The following TAOK1 variants were observed in gnomAD, a reference collection of about 807,000 sequenced individuals.
TAOK1 encodes the protein TAO kinase 1, also known as serine/threonine-protein kinase TAO1.
A neutral mutation model predicts 138.3 loss-of-function variants in TAOK1; 21 were observed. The ratio of observed to expected loss-of-function variants is 0.15; its 90% confidence interval spans 0.11 to 0.22. The LOEUF is 0.22. TAOK1 is among the 10% of genes least tolerant of loss of function. The pLI is 1.00. For synonymous variants in TAOK1, 361 were observed against 398.4 expected (o/e 0.91, Z 1.12); for missense variants, 651 against 1,227.7 (o/e 0.53, Z 7.02).
At chr17:29,443,603 C>T (rs2030002116) in intron 1 of TAOK1, among the ~76,000 whole-genome samples, 1 of 152,094 alleles carries the variant, frequency 6.6e-6, no homozygotes, top group African/African-American at 2.4e-5. Flanking sequence ...TTTGTGGAAC[C>T]AGGAATAAAT....
At chr17:29,459,376 G>A (rs1008345206) in intron 2 of TAOK1, among the ~76,000 whole-genome samples, 1 of 152,034 alleles carries the variant, frequency 6.6e-6, no homozygotes, top group African/African-American at 2.4e-5. Context: ...CCGCCTGCTG[G>A]GTTCAAGTGA....
At chr17:29,477,523 A>G (rs925715067) in intron 4 of TAOK1, 138 bp from the exon 5 acceptor site, 1 of 303,878 alleles carries the variant, frequency 3.3e-6, no homozygotes, top group Non-Finnish European at 5.7e-6. Flanking sequence ...CTATATAACT[A>G]TTTTTTTAAG....
intron 6 of TAOK1, among the ~76,000 whole-genome samples, chr17:29,478,931 G>A (rs1354459926): frequency 6.6e-6 from 1 of 152,090 alleles, no homozygotes; most frequent in Non-Finnish European, 1.5e-5. Flanking sequence ...GACCAGCCTG[G>A]CCAACCAATA....
chr17:29,482,313 G>T, intron 8 of TAOK1, 25 bp downstream of exon 8: 1 of 1,556,590 alleles, frequency 6.4e-7, no homozygotes. Context: ...TCATTACTAT[G>T]GATTAAGTTT....
In TAOK1 at chr17:29,478,341, T is replaced by G; in HGVS notation, c.443T>G (p.Ile148Ser). The G allele has an allele frequency of 6.3e-7, 1 of 1,578,674 alleles. No homozygotes were observed. The highest frequency in any genetic ancestry group is 8.6e-7 in the Non-Finnish European group (1 of 1,165,622). ...GCCTACTTACATTCTCATACTATGA[T>G]TCATAGGTAAGTGCTTTGGAAATTA... ...GLAYLHSHTM[I>S]HRDIKAGNIL... The change falls in exon 6 of 20, where the codon ATT (isoleucine) becomes AGT (serine). Residue 148 changes from isoleucine (I) to serine (S), a missense_variant. Ile to Ser is a moderately radical substitution (Grantham distance 142). Coordinates refer to ENST00000261716, the MANE Select transcript of TAOK1 (RefSeq NM_020791.4).
At chr17:29,486,213 C>T (rs922626503) in intron 8 of TAOK1, among the ~76,000 whole-genome samples, 5 of 152,078 alleles carry the variant, frequency 3.3e-5, no homozygotes, top group Non-Finnish European at 7.4e-5. Flanking sequence ...CACTTGAGCC[C>T]AGGAGGTCAA....
rs1904680440 is a variant in TAOK1, at chr17:29,397,673, A to ATACATGTATACATGTATATTCATGTATGG, written c.-95+6677_-95+6678insGTACATGTATACATGTATATTCATGTATG. On this transcript the variant is annotated intron_variant, in intron 1 of 19. Coordinates refer to ENST00000261716, the MANE Select transcript of TAOK1 (RefSeq NM_020791.4). Reference sequence around the variant, plus strand: ...ATGTATATTCATGTATGATACATGTATACATGTATACATGTATATTCATGT... The same window carrying ATACATGTATACATGTATATTCATGTATGG: ...ATGTATATTCATGTATGATACATGTATACATGTATACATGTATATTCATGTATGGTACATGTATACATGTATATTCATGT... Among the ~76,000 whole-genome samples, 2 of 24,484 alleles carry ATACATGTATACATGTATATTCATGTATGG rather than the reference A, an allele frequency of 8.2e-5. 1 individual carries two copies. Among genetic ancestry groups the ATACATGTATACATGTATATTCATGTATGG allele is most frequent in the Admixed American group, 7.2e-4 (2 of 2,786 alleles). 16.1% of individuals were successfully genotyped at this position (24,484 alleles called of 152,430 possible). A position where few individuals can be genotyped will look rare whatever the true frequency, so the allele number is the denominator to read the frequency against.
chr17:29,534,049 C>T (rs1242878221), intron 18 of TAOK1, 69 bp from the exon 19 acceptor site: 4 of 1,438,000 alleles, frequency 2.8e-6, no homozygotes, highest in Non-Finnish European at 3.7e-6. Context: ...TCCTCCTTTC[C>T]ATAGGTCATG....
At chr17:29,532,390 G>C (rs1182276753) in intron 18 of TAOK1, among the ~76,000 whole-genome samples, 1 of 144,868 alleles carries the variant, frequency 6.9e-6, no homozygotes, top group Non-Finnish European at 1.5e-5. Context: ...GGTGTTTCTC[G>C]CAGAGGGGGA....
chr17:29,444,685 T>G (rs1484792055), intron 1 of TAOK1, among the ~76,000 whole-genome samples: 1 of 152,240 alleles, frequency 6.6e-6, no homozygotes, highest in Admixed American at 6.5e-5. Context: ...TTTGTTGATA[T>G]CTACAGAAAA....
intron 1 of TAOK1, among the ~76,000 whole-genome samples, chr17:29,416,357 C>G (rs1317599489): frequency 6.6e-6 from 1 of 151,436 alleles, no homozygotes; most frequent in Non-Finnish European, 1.5e-5. Flanking sequence ...ACTTTTTTTG[C>G]TCTTCTTCAT....
chr17:29,442,233 A>G (rs903300825), intron 1 of TAOK1, among the ~76,000 whole-genome samples: 71 of 151,814 alleles, frequency 4.7e-4, no homozygotes, highest in African/African-American at 1.7e-3. Flanking sequence ...TTTTGTAGAG[A>G]TGGGGTCTCC....
At chr17:29,405,799 T>A (rs941938062) in intron 1 of TAOK1, among the ~76,000 whole-genome samples, 9 of 152,076 alleles carry the variant, frequency 5.9e-5, no homozygotes, top group African/African-American at 2.2e-4. Context: ...AGACAACCAG[T>A]TTAGCCAGTA....
intron 2 of TAOK1, among the ~76,000 whole-genome samples, chr17:29,458,026 C>T (rs535124894): frequency 5.9e-5 from 9 of 151,858 alleles, no homozygotes; most frequent in Non-Finnish European, 7.4e-5. Flanking sequence ...AGGAGAACGG[C>T]GTGAACCCGG....
At chr17:29,448,112 A>G (rs555189889) in intron 1 of TAOK1, among the ~76,000 whole-genome samples, 1 of 150,652 alleles carries the variant, frequency 6.6e-6, no homozygotes, top group African/African-American at 2.4e-5. Context: ...ACTGCTTTGC[A>G]TGTAGATCAT....
chr17:29,402,223 C>T (rs917637494), intron 1 of TAOK1, among the ~76,000 whole-genome samples: 7 of 152,066 alleles, frequency 4.6e-5, no homozygotes, highest in Admixed American at 2.0e-4. Flanking sequence ...TATTAAGGAA[C>T]GTGTTATCAG....
chr17:29,400,196 C>A (rs192371456), intron 1 of TAOK1, among the ~76,000 whole-genome samples: 46 of 152,086 alleles, frequency 3.0e-4, no homozygotes, highest in Middle Eastern at 3.4e-3. Context: ...GAGTTCAAGA[C>A]CATCCTGGCC....
intron 1 of TAOK1, among the ~76,000 whole-genome samples, chr17:29,443,766 C>T (rs748252105): frequency 6.6e-6 from 1 of 152,078 alleles, no homozygotes; most frequent in Non-Finnish European, 1.5e-5. Context: ...AAATGAAAAT[C>T]GTATATGCTG....
chr17:29,436,171 C>A (rs1313861591), intron 1 of TAOK1, among the ~76,000 whole-genome samples: 3 of 152,128 alleles, frequency 2.0e-5, no homozygotes, highest in South Asian at 2.1e-4. Context: ...ATTTAAAAAT[C>A]AAAAAATTAA....
Sources: gnomAD v4.1 joint callset for allele counts (sites outside exome capture counted in the v4.1 genomes callset) on GRCh38, gnomAD v4.1.1 for gene constraint, MANE v1.5 for transcripts, NCBI Gene and HGNC (gene_info 2026-07-23, HGNC 2026-07-21) for gene names.